The following LSAMP variants were observed in gnomAD, a reference collection of about 807,000 sequenced individuals.
LSAMP encodes the protein limbic system associated membrane protein.
Under a neutral mutation model 38.6 loss-of-function variants are expected in LSAMP, and 7 were observed. That is an observed-to-expected ratio of 0.18 (90% CI 0.10 to 0.34). LSAMP has a LOEUF of 0.34. LSAMP is among the 10% of genes least tolerant of loss of function. The pLI is 1.00. For synonymous variants in LSAMP, 154 were observed against 166.8 expected (o/e 0.92, Z 0.59); for missense variants, 313 against 420.0 (o/e 0.75, Z 2.23).
chr3:116,270,451 T>C (rs2107669314), intron 1 of LSAMP, among the ~76,000 whole-genome samples: 1 of 152,204 alleles, frequency 6.6e-6, no homozygotes. Flanking sequence ...TGTGATTGTT[T>C]TAGCAGTTGA....
chr3:116,123,599 A>G (rs1044038840), intron 1 of LSAMP, among the ~76,000 whole-genome samples: 7 of 152,216 alleles, frequency 4.6e-5, no homozygotes, highest in African/African-American at 1.4e-4. Flanking sequence ...TCTTTCATTA[A>G]AACCATTGTG....
intron 2 of LSAMP, among the ~76,000 whole-genome samples, chr3:116,025,763 A>G (rs1458327083): frequency 6.6e-6 from 1 of 152,128 alleles, no homozygotes; most frequent in Non-Finnish European, 1.5e-5. Flanking sequence ...CCAGCCCAGT[A>G]TTTCTGGGAA....
intron 1 of LSAMP, among the ~76,000 whole-genome samples, chr3:116,400,729 C>A (rs560532658): frequency 6.6e-6 from 1 of 152,078 alleles, no homozygotes; most frequent in Admixed American, 6.5e-5. Flanking sequence ...CCACCCGCCT[C>A]GGCCTCCCAA....
At chr3:115,898,954 A>G (rs1936800690) in intron 3 of LSAMP, among the ~76,000 whole-genome samples, 1 of 152,178 alleles carries the variant, frequency 6.6e-6, no homozygotes, top group Non-Finnish European at 1.5e-5. Flanking sequence ...TGCAATGACC[A>G]TTTGAAGCCA....
chr3:115,969,513 C>A (rs1488547842), intron 3 of LSAMP, among the ~76,000 whole-genome samples: 2 of 152,136 alleles, frequency 1.3e-5, no homozygotes, highest in African/African-American at 2.4e-5. Flanking sequence ...GACTTGCAAT[C>A]CAAATGGATG....
intron 1 of LSAMP, among the ~76,000 whole-genome samples, chr3:116,302,636 G>A (rs997483409): frequency 3.3e-5 from 5 of 152,164 alleles, no homozygotes; most frequent in Admixed American, 2.0e-4. Flanking sequence ...TGGCTATGGT[G>A]TTTTATCACG....
intron 1 of LSAMP, among the ~76,000 whole-genome samples, chr3:116,105,920 TA>T (rs1261686360): frequency 6.6e-6 from 1 of 151,886 alleles, no homozygotes; most frequent in Non-Finnish European, 1.5e-5. Flanking sequence ...CAAGCGGGAT[TA>T]GGGGCGGCGT....
intron 1 of LSAMP, among the ~76,000 whole-genome samples, chr3:116,419,778 G>A (rs1318292662): frequency 6.6e-6 from 1 of 152,166 alleles, no homozygotes; most frequent in African/African-American, 2.4e-5. Flanking sequence ...GTCCAACATA[G>A]AGATGAGATG....
intron 1 of LSAMP, among the ~76,000 whole-genome samples, chr3:116,106,811 G>A (rs927384775): frequency 1.3e-5 from 2 of 152,112 alleles, no homozygotes; most frequent in African/African-American, 4.8e-5. Flanking sequence ...GTTACTCAGG[G>A]CATGTTGAAT....
chr3:116,112,484 T>C lies in LSAMP; in HGVS notation c.156-25928A>G, dbSNP rs114993867. ...TAAAACTAATAAATGATCTATAAAT[T>C]AGTATCACTCACAATCTGAAAAAGA... is the stretch of plus-strand genomic sequence containing the variant. On this transcript the variant is annotated intron_variant, in intron 1 of 6. Coordinates refer to ENST00000490035, the MANE Select transcript of LSAMP (RefSeq NM_002338.5). Among the ~76,000 whole-genome samples the C allele has an allele frequency of 1.0e-2, 1,520 of 152,294 alleles. 21 individuals are homozygous for C. Among genetic ancestry groups the C allele is most frequent in the African/African-American group, 0.033 (1,369 of 41,558 alleles).
intron 4 of LSAMP, among the ~76,000 whole-genome samples, chr3:115,849,476 G>C (rs1304776387): frequency 7.7e-6 from 1 of 129,278 alleles, no homozygotes; most frequent in African/African-American, 3.2e-5. Flanking sequence ...ATAGCCCTGA[G>C]ATTTTTTTTT....
intron 3 of LSAMP, among the ~76,000 whole-genome samples, chr3:115,902,865 GA>G (rs1314615008): frequency 1.3e-5 from 2 of 152,122 alleles, no homozygotes; most frequent in East Asian, 3.9e-4. Context: ...AGGTTTCAGA[GA>G]AAAAGCAACA....
At chr3:116,117,357 A>G (rs1269730547) in intron 1 of LSAMP, among the ~76,000 whole-genome samples, 2 of 152,262 alleles carry the variant, frequency 1.3e-5, no homozygotes, top group East Asian at 3.9e-4. Context: ...CTATTTTAGA[A>G]CAGTTTTAGA....
At chr3:116,386,834 A>C (rs2048632345) in intron 1 of LSAMP, among the ~76,000 whole-genome samples, 1 of 152,138 alleles carries the variant, frequency 6.6e-6, no homozygotes, top group Non-Finnish European at 1.5e-5. Context: ...GGGAAGCCTT[A>C]ATGGAAGAAG....
intron 6 of LSAMP, among the ~76,000 whole-genome samples, chr3:115,819,289 G>T (rs2107462349): frequency 6.6e-6 from 1 of 152,158 alleles, no homozygotes; most frequent in Admixed American, 6.5e-5. Flanking sequence ...AACAAAATTA[G>T]CTGGGTGTGG....
intron 1 of LSAMP, among the ~76,000 whole-genome samples, chr3:116,182,029 T>C (rs1392627720): frequency 2.0e-5 from 3 of 151,970 alleles, no homozygotes; most frequent in African/African-American, 2.4e-5. Flanking sequence ...TTAAAATGCA[T>C]AGAACATGTT....
At chr3:116,134,107 C>T (rs1709194671) in intron 1 of LSAMP, among the ~76,000 whole-genome samples, 1 of 151,990 alleles carries the variant, frequency 6.6e-6, no homozygotes, top group African/African-American at 2.4e-5. Flanking sequence ...TTGATTTAGT[C>T]CAAGCTGAAA....
intron 1 of LSAMP, among the ~76,000 whole-genome samples, chr3:116,217,824 T>C (rs1424255992): frequency 6.6e-6 from 1 of 152,182 alleles, no homozygotes; most frequent in Non-Finnish European, 1.5e-5. Flanking sequence ...ACTGCTTATA[T>C]ATGCATAACT....
At chr3:116,164,129 T>G (rs890195807) in intron 1 of LSAMP, among the ~76,000 whole-genome samples, 4 of 152,140 alleles carry the variant, frequency 2.6e-5, no homozygotes, top group Non-Finnish European at 5.9e-5. Context: ...TGTACAAATA[T>G]TGGGTAATAG....
Sources: gnomAD v4.1 joint callset for allele counts (sites outside exome capture counted in the v4.1 genomes callset) on GRCh38, gnomAD v4.1.1 for gene constraint, MANE v1.5 for transcripts, NCBI Gene and HGNC (gene_info 2026-07-23, HGNC 2026-07-21) for gene names.